The following VGLL3 variants were observed in gnomAD, a reference collection of about 807,000 sequenced individuals.
The protein encoded by VGLL3 is transcription cofactor vestigial-like protein 3.
VGLL3 carries 18 observed loss-of-function variants against 29.2 expected under a neutral mutation model. The observed-to-expected ratio is 0.62, with a 90% CI of 0.43 to 0.91. The LOEUF (loss-of-function observed/expected upper bound fraction) is 0.91. Among genes scored for constraint, VGLL3 ranks in the 40% least tolerant of loss-of-function variants. VGLL3 has a pLI of 0.00. For missense variants in VGLL3, 440 were observed against 413.2 expected (o/e 1.06, Z -0.56); for synonymous variants, 180 against 151.8 (o/e 1.19, Z -1.36).
chr3:86,950,746 G>A (rs1306366521), intron 3 of VGLL3, among the ~76,000 whole-genome samples: 2 of 152,144 alleles, frequency 1.3e-5, no homozygotes, highest in Non-Finnish European at 2.9e-5. Flanking sequence ...CACTTCAGTG[G>A]TATGATAGGA....
At chr3:86,959,282 T>G (rs559628493) in intron 3 of VGLL3, among the ~76,000 whole-genome samples, 2 of 152,338 alleles carry the variant, frequency 1.3e-5, no homozygotes, top group South Asian at 4.1e-4. Flanking sequence ...TAAACTTTTA[T>G]GCCTATTATA....
rs1575885832 is a variant in VGLL3, at chr3:86,990,984, C to A, written c.-241G>T. ...CTTCAGCCCCTCCGGATGTTCCCTG[C>A]CGCGCTTATATAGCGGCTCAGGGAC... On this transcript the variant is annotated 5_prime_UTR_variant, in exon 1 of 4. Coordinates refer to ENST00000398399, the MANE Select transcript of VGLL3 (RefSeq NM_016206.4). The A allele has an allele frequency of 2.0e-6, 2 of 1,008,142 alleles. No homozygotes were observed. The highest frequency in any genetic ancestry group is 8.5e-5 in the East Asian group (1 of 11,700). 62.4% of individuals were successfully genotyped at this position (1,008,142 alleles called of 1,614,324 possible).
Position 86,990,161 on chromosome 3 carries a change from C to T in VGLL3, c.126+457G>A, listed in dbSNP as rs538662196. The T allele has an allele frequency of 5.1e-5, 12 of 235,096 alleles. No individual in the cohort carries two copies. The East Asian group carries it at 1.8e-3, about 36-fold the overall frequency. The allele number at this position is 235,096 out of a possible 1,614,324, so 14.6% of individuals were successfully genotyped here. On this transcript the variant is annotated intron_variant, in intron 1 of 3. Transcript: ENST00000398399. ...GACCAGTGTTCCCCCATGAAAGTCC[C>T]AGATCATTTCGTGAACTCACTCTCC...
At chr3:86,981,505 ATATC>A (rs1446406459) in intron 1 of VGLL3, among the ~76,000 whole-genome samples, 1 of 151,834 alleles carries the variant, frequency 6.6e-6, no homozygotes, top group Non-Finnish European at 1.5e-5. Context: ...TATATGTAAT[ATATC>A]TATATTTACA....
Position 86,968,878 on chromosome 3 carries a change from G to C in VGLL3, c.649C>G (p.Pro217Ala). ...WPYPLTSQVS[P>A]SYSHMHDVYM... is the part of the protein sequence containing the mutation. ...ACGTCATGCATATGGCTGTAGGATG[G>C]GCTCACCTGAGATGTCAAAGGATAA... Residue 217 changes from proline (P) to alanine (A), a missense_variant, in exon 3 of 4, where the codon CCA becomes GCA. Coordinates refer to ENST00000398399, the MANE Select transcript of VGLL3 (RefSeq NM_016206.4). 6.2e-7 allele frequency: 1 copy of C among 1,614,160 alleles called. No individual in the cohort carries two copies. The highest frequency in any genetic ancestry group is 1.6e-4 in the Middle Eastern group (1 of 6,062).
At chr3:86,988,673 A>AGG (rs1705507519) in intron 1 of VGLL3, among the ~76,000 whole-genome samples, 1 of 44,188 alleles carries the variant, frequency 2.3e-5, no homozygotes, top group Admixed American at 3.1e-4. Flanking sequence ...AAAAAAAAAA[A>AGG]AAAAAAAAAA....
chr3:86,958,033 C>A (rs1004675280), intron 3 of VGLL3, among the ~76,000 whole-genome samples: 1 of 152,114 alleles, frequency 6.6e-6, no homozygotes, highest in Non-Finnish European at 1.5e-5. Context: ...AATATGCACA[C>A]TTTTTTGTTA....
Position 86,945,576 on chromosome 3 carries a change from T to A in VGLL3, c.*1448A>T, listed in dbSNP as rs1385597843. 6.6e-6 allele frequency: 1 copy of A among 152,198 alleles called. No individual in the cohort carries two copies. Among genetic ancestry groups the A allele is most frequent in the Non-Finnish European group, 1.5e-5 (1 of 68,014 alleles). 9.4% of individuals were successfully genotyped at this position (152,198 alleles called of 1,614,324 possible). ...GTATCAATAACTGTTACTTTCATAA[T>A]CTTAATCTTCTCCTAGCAGTGTCTT... is the stretch of plus-strand genomic sequence containing the variant. On this transcript the variant is annotated 3_prime_UTR_variant, in exon 4 of 4. Coordinates refer to ENST00000398399, the MANE Select transcript of VGLL3 (RefSeq NM_016206.4).
At chr3:86,978,877 T>G in intron 1 of VGLL3, 75 bp from the exon 2 acceptor site, 1 of 1,449,304 alleles carries the variant, frequency 6.9e-7, no homozygotes, top group Non-Finnish European at 9.2e-7. Flanking sequence ...TTTTCACTTT[T>G]TTAAAAAAAG....
At chr3:86,970,855 A>G (rs1012074005) in intron 2 of VGLL3, among the ~76,000 whole-genome samples, 1 of 152,140 alleles carries the variant, frequency 6.6e-6, no homozygotes. Context: ...TTATCACCCA[A>G]TATGGACCCA....
intron 3 of VGLL3, chr3:86,962,731 A>T (rs1016563184): frequency 5.8e-6 from 4 of 686,368 alleles, no homozygotes; most frequent in Admixed American, 6.3e-5. Context: ...AAATTTGTAC[A>T]TGAGGGCTGG....
intron 3 of VGLL3, among the ~76,000 whole-genome samples, chr3:86,951,997 G>A (rs1704627775): frequency 6.6e-6 from 1 of 152,172 alleles, no homozygotes; most frequent in Non-Finnish European, 1.5e-5. Flanking sequence ...CAGATTAGAG[G>A]AGGAGGGTAT....
At chr3:86,959,560 T>C (rs55854261) in intron 3 of VGLL3, among the ~76,000 whole-genome samples, 12,229 of 152,200 alleles carry the variant, frequency 0.08, 1,292 homozygotes, top group African/African-American at 0.24. Flanking sequence ...CAAACTATTC[T>C]GTTTATTATT....
Position 86,941,517 on chromosome 3 carries a change from C to G in VGLL3, c.*5507G>C, listed in dbSNP as rs935422269. 1 of 151,316 alleles carries G rather than the reference C, an allele frequency of 6.6e-6. No homozygotes were observed. Among genetic ancestry groups the G allele is most frequent in the African/African-American group, 2.4e-5 (1 of 41,190 alleles). 9.4% of individuals were successfully genotyped at this position (151,316 alleles called of 1,614,324 possible). A position where few individuals can be genotyped will look rare whatever the true frequency, so the allele number is the denominator to read the frequency against. ...TCTAAAAGGTGTCTGTTTGCTTATA[C>G]AATGGAATTGGTAAAAGTACACTTA... On this transcript the variant is annotated 3_prime_UTR_variant, in exon 4 of 4. Coordinates refer to ENST00000398399, the MANE Select transcript of VGLL3 (RefSeq NM_016206.4).
intron 1 of VGLL3, among the ~76,000 whole-genome samples, chr3:86,985,618 T>C (rs1463302754): frequency 6.6e-6 from 1 of 152,162 alleles, no homozygotes; most frequent in Admixed American, 6.5e-5. Context: ...TTCAAGGCAG[T>C]CTTAGGTCTT....
chr3:86,968,477 A>G, intron 3 of VGLL3, 113 bp downstream of exon 3: 1 of 1,240,652 alleles, frequency 8.1e-7, no homozygotes, highest in Non-Finnish European at 1.1e-6. Context: ...TTCCATAAAC[A>G]TGTTGGTAAA....
intron 3 of VGLL3, among the ~76,000 whole-genome samples, chr3:86,952,901 G>T (rs555434888): frequency 6.4e-4 from 98 of 152,214 alleles, no homozygotes; most frequent in South Asian, 3.1e-3. Flanking sequence ...ATTACTTTAT[G>T]AAATTATCAC....
chr3:86,981,567 G>C (rs1365463781), intron 1 of VGLL3, among the ~76,000 whole-genome samples: 2 of 151,100 alleles, frequency 1.3e-5, no homozygotes, highest in Admixed American at 6.6e-5. Flanking sequence ...AAATATATAT[G>C]GTTCTTTAAA....
chr3:86,978,746 G>T lies in VGLL3; in HGVS notation c.183C>A (p.Ser61Arg). 1 of 1,613,798 alleles carries T rather than the reference G, an allele frequency of 6.2e-7. No individual in the cohort carries two copies. The highest frequency in any genetic ancestry group is 8.5e-7 in the Non-Finnish European group (1 of 1,179,902). Residue 61 changes from serine (S) to arginine (R), a missense_variant, in exon 2 of 4, where the codon AGC (serine) becomes AGA (arginine). Coordinates refer to ENST00000398399, the MANE Select transcript of VGLL3 (RefSeq NM_016206.4). ...MQDSLEVTLP[S>R]KQEEEDEEEE... ...CCTCCTCATCCTCCTCCTCTTGTTT[G>T]CTGGGAAGGGTGACTTCCAGAGAGT...
Sources: gnomAD v4.1 joint callset for allele counts (sites outside exome capture counted in the v4.1 genomes callset) on GRCh38, gnomAD v4.1.1 for gene constraint, MANE v1.5 for transcripts, NCBI Gene and HGNC (gene_info 2026-07-23, HGNC 2026-07-21) for gene names.